The following LEKR1 variants were observed in gnomAD, a reference collection of about 807,000 sequenced individuals.
The protein encoded by LEKR1 is leucine, glutamate and lysine rich 1.
A neutral mutation model predicts 72.4 loss-of-function variants in LEKR1; 59 were observed. That is an observed-to-expected ratio of 0.82 (90% CI 0.66 to 1.01). The LOEUF is 1.01. Among genes scored for constraint, LEKR1 ranks in the 50% least tolerant of loss-of-function variants. The pLI, the probability that LEKR1 is intolerant of heterozygous loss-of-function variation, is 0.00. For missense variants in LEKR1, 728 were observed against 759.2 expected, an observed-to-expected ratio of 0.96 and a Z score of 0.48; for synonymous variants, 257 against 263.2, an observed-to-expected ratio of 0.98 and a Z score of 0.23.
At chr3:157,016,455 A>G (rs947476135) in intron 10 of LEKR1, among the ~76,000 whole-genome samples, 1 of 152,158 alleles carries the variant, frequency 6.6e-6, no homozygotes, top group Non-Finnish European at 1.5e-5. Context: ...GGCAATGAGG[A>G]AAGCTGTCAA....
Position 156,976,709 on chromosome 3 carries a change from T to C in LEKR1, c.746-2485T>C, listed in dbSNP as rs1729727085. Among the ~76,000 whole-genome samples the C allele has an allele frequency of 3.9e-5, 6 of 152,286 alleles. No homozygotes were observed. In the South Asian group the frequency reaches 1.2e-3, roughly 32 times the overall value. ...CACTCTTATGGACAATATCATATTCTCTTGCAGCTTTTATATCTCAAGAGT... is the reference window on the plus strand; with the variant it reads ...CACTCTTATGGACAATATCATATTCCCTTGCAGCTTTTATATCTCAAGAGT... On this transcript the variant is annotated intron_variant, in intron 6 of 12. Coordinates refer to ENST00000356539, the MANE Select transcript of LEKR1 (RefSeq NM_001004316.3).
At chr3:156,972,330 C>A (rs567675329) in intron 6 of LEKR1, among the ~76,000 whole-genome samples, 2 of 146,248 alleles carry the variant, frequency 1.4e-5, no homozygotes, top group African/African-American at 5.1e-5. Flanking sequence ...ATCACACACA[C>A]GGGGGCCTGT....
At chr3:156,852,389 A>G (rs898930240) in intron 2 of LEKR1, among the ~76,000 whole-genome samples, 1 of 152,202 alleles carries the variant, frequency 6.6e-6, no homozygotes, top group Non-Finnish European at 1.5e-5. Context: ...AGGAGAACAG[A>G]GCAGTTTGCA....
intron 5 of LEKR1, 99 bp downstream of exon 5, chr3:156,927,703 G>A: frequency 4.6e-6 from 2 of 437,362 alleles, no homozygotes; most frequent in South Asian, 2.3e-5. Context: ...ATGGGAATTA[G>A]GATTAACTTT....
chr3:156,964,868 T>C (rs899470080), intron 6 of LEKR1, among the ~76,000 whole-genome samples: 2 of 152,190 alleles, frequency 1.3e-5, no homozygotes, highest in South Asian at 4.1e-4. Flanking sequence ...GACCTAAACT[T>C]CTCTTTTATT....
intron 2 of LEKR1, among the ~76,000 whole-genome samples, chr3:156,848,725 T>G (rs1035107433): frequency 1.3e-5 from 2 of 152,166 alleles, no homozygotes; most frequent in African/African-American, 2.4e-5. Context: ...GTCCTCAACT[T>G]AGTCAATTCA....
intron 2 of LEKR1, among the ~76,000 whole-genome samples, chr3:156,850,155 A>G (rs1447653142): frequency 2.6e-5 from 4 of 152,154 alleles, no homozygotes; most frequent in East Asian, 1.9e-4. Context: ...AAACACGTGA[A>G]AAAATGCTCA....
chr3:156,955,291 A>G (rs1727523305), intron 6 of LEKR1, among the ~76,000 whole-genome samples: 1 of 152,014 alleles, frequency 6.6e-6, no homozygotes, highest in Non-Finnish European at 1.5e-5. Flanking sequence ...TTATGTGCAA[A>G]TAAAGATAAT....
chr3:156,935,524 T>C (rs958547227), intron 5 of LEKR1, among the ~76,000 whole-genome samples: 2 of 152,190 alleles, frequency 1.3e-5, no homozygotes, highest in African/African-American at 4.8e-5. Flanking sequence ...GCAATCCTAA[T>C]AGCTATATAA....
chr3:156,996,302 A>G (rs1731561366), intron 9 of LEKR1, among the ~76,000 whole-genome samples: 1 of 152,092 alleles, frequency 6.6e-6, no homozygotes. Context: ...CCCATTTCCT[A>G]AAGGAAGACA....
chr3:156,835,002 A>C (rs766586919), intron 2 of LEKR1, among the ~76,000 whole-genome samples: 6 of 152,208 alleles, frequency 3.9e-5, no homozygotes, highest in Non-Finnish European at 8.8e-5. Context: ...TTATGTAAAC[A>C]TCCCACACAC....
chr3:156,852,925 A>C lies in LEKR1; in HGVS notation c.206A>C (p.His69Pro). Reference protein sequence around the residue: ...DREKRLQEKLHSLSQELEQYK... With the variant: ...DREKRLQEKLPSLSQELEQYK... ...GAAAAGAGACTTCAAGAAAAGCTGC[A>C]TTCTCTTAGCCAAGAACTTGAACAG... Residue 69 changes from histidine to proline, a missense_variant, in exon 3 of 13, where the codon CAT becomes CCT. By Grantham distance (77) the His-to-Pro change is moderately conservative. Coordinates refer to ENST00000356539, the MANE Select transcript of LEKR1 (RefSeq NM_001004316.3). The C allele has an allele frequency of 6.5e-7, 1 of 1,535,870 alleles. No individual in the cohort carries two copies. The highest frequency in any genetic ancestry group is 2.5e-5 in the East Asian group (1 of 40,750).
At chr3:156,970,557 G>A (rs1034316541) in intron 6 of LEKR1, among the ~76,000 whole-genome samples, 4 of 151,974 alleles carry the variant, frequency 2.6e-5, no homozygotes, top group South Asian at 4.1e-4. Flanking sequence ...CAAATTGTCC[G>A]TGTTTGCAGA....
At chr3:156,878,341 C>T (rs1251853971) in intron 3 of LEKR1, among the ~76,000 whole-genome samples, 1 of 152,160 alleles carries the variant, frequency 6.6e-6, no homozygotes, top group East Asian at 1.9e-4. Flanking sequence ...TATCAATCAG[C>T]TCAAAGAGTT....
At chr3:156,849,562 A>G (rs1356327725) in intron 2 of LEKR1, among the ~76,000 whole-genome samples, 1 of 152,220 alleles carries the variant, frequency 6.6e-6, no homozygotes, top group Non-Finnish European at 1.5e-5. Context: ...AAACAGAGAT[A>G]TAGACCAGTG....
rs150394919 is a variant in LEKR1, at chr3:156,950,471, A to T, written c.745+7757A>T. Among the ~76,000 whole-genome samples, 437 of 151,774 alleles carry T rather than the reference A, an allele frequency of 2.9e-3. 1 individual carries two copies. The highest frequency in any genetic ancestry group is 0.01 in the African/African-American group (416 of 41,500). On this transcript the variant is annotated intron_variant, in intron 6 of 12. Transcript: ENST00000356539. ...ATATTGATTCTTCCAATCCATGAGC[A>T]TGGGATGTTCTTCTATTTCTTTTTG...
At chr3:156,852,463 A>G (rs1715479806) in intron 2 of LEKR1, among the ~76,000 whole-genome samples, 1 of 152,206 alleles carries the variant, frequency 6.6e-6, no homozygotes, top group Non-Finnish European at 1.5e-5. Context: ...AATTATAAAG[A>G]TTATAAATTT....
chr3:156,983,711 G>T (rs1051990707), intron 7 of LEKR1, among the ~76,000 whole-genome samples: 1 of 152,116 alleles, frequency 6.6e-6, no homozygotes, highest in African/African-American at 2.4e-5. Context: ...GAGTCAAACA[G>T]CCTGGCAGCT....
At chr3:156,862,335 T>A (rs1716865417) in intron 3 of LEKR1, among the ~76,000 whole-genome samples, 1 of 152,090 alleles carries the variant, frequency 6.6e-6, no homozygotes, top group South Asian at 2.1e-4. Context: ...CTTATTATTA[T>A]AACAAATAAA....
Sources: gnomAD v4.1 joint callset for allele counts (sites outside exome capture counted in the v4.1 genomes callset) on GRCh38, gnomAD v4.1.1 for gene constraint, MANE v1.5 for transcripts, NCBI Gene and HGNC (gene_info 2026-07-23, HGNC 2026-07-21) for gene names.